The following PRKCZ variants were observed in gnomAD, a reference collection of about 807,000 sequenced individuals.
PRKCZ encodes protein kinase C zeta, also known as protein kinase C zeta type.
In PRKCZ, 33 loss-of-function variants were observed where a neutral mutation model predicts 79.5. The observed-to-expected ratio is 0.41, with a 90% confidence interval of 0.31 to 0.55. The LOEUF (loss-of-function observed/expected upper bound fraction) is 0.55, where lower values mean the gene tolerates loss of function less well. PRKCZ is among the 20% of genes least tolerant of loss of function. The probability of loss-of-function intolerance (pLI) is 0.19; values close to 1 mark genes in which losing one functional copy is unlikely to be tolerated. For synonymous variants in PRKCZ, 342 were observed against 320.9 expected, an observed-to-expected ratio of 1.07 and a Z score of -0.70; for missense variants, 578 against 813.5, an observed-to-expected ratio of 0.71 and a Z score of 3.52.
At chr1:2,076,742 GAAAA>G (rs59323031) in intron 4 of PRKCZ, among the ~76,000 whole-genome samples, 1 of 127,160 alleles carries the variant, frequency 7.9e-6, no homozygotes. Context: ...ACTCCATCTT[GAAAA>G]AAAAAAAAAA....
At chr1:2,167,723 G>C (rs1683618859) in intron 10 of PRKCZ, among the ~76,000 whole-genome samples, 1 of 152,126 alleles carries the variant, frequency 6.6e-6, no homozygotes. Flanking sequence ...CCTGCCCTCA[G>C]CCTCCCGAGT....
chr1:2,156,129 T>C, intron 10 of PRKCZ, 37 bp downstream of exon 10: 1 of 1,560,138 alleles, frequency 6.4e-7, no homozygotes, highest in Non-Finnish European at 8.8e-7. Flanking sequence ...ATTCTGCAGA[T>C]TTCAGATGTG....
At chr1:2,111,163 C>T (rs1167345879) in intron 4 of PRKCZ, among the ~76,000 whole-genome samples, 2 of 152,142 alleles carry the variant, frequency 1.3e-5, no homozygotes, top group Non-Finnish European at 2.9e-5. Context: ...AGCTGTGGGG[C>T]TGGCTGTGCG....
chr1:2,168,926 C>T lies in PRKCZ; in HGVS notation c.975-592C>T, dbSNP rs765556113. ...AAACCATGTGGCCCAGTCCCTGAGA[C>T]GGGAAGGGCCTGCGTGGTCCTGATG... On this transcript the variant is annotated intron_variant, in intron 10 of 17. Transcript: ENST00000378567. This position sits in a 1 kb window ranked among gnomAD's most constrained non-coding sequence, Gnocchi z 4.7. The T allele has an allele frequency of 1.6e-4, 49 of 306,012 alleles. No individual in the cohort carries two copies. Among genetic ancestry groups the T allele is most frequent in the South Asian group, 5.4e-5 (2 of 36,952 alleles). 19.0% of individuals were successfully genotyped at this position (306,012 alleles called of 1,614,324 possible). A position where few individuals can be genotyped will look rare whatever the true frequency, so the allele number is the denominator to read the frequency against.
chr1:2,092,760 C>T (rs1665738414), intron 4 of PRKCZ, among the ~76,000 whole-genome samples: 1 of 152,204 alleles, frequency 6.6e-6, no homozygotes, highest in South Asian at 2.1e-4. Flanking sequence ...AGCTGGAGGC[C>T]CTGGTCTTCA....
Position 2,082,050 on chromosome 1 carries a change from C to T in PRKCZ, c.334+22459C>T, listed in dbSNP as rs575137047. ...TTAAAGCAGGCTTGATCCGGGCTGCCGTGGTTCCGATCGACTCCGAATAGG... is the reference window on the plus strand; with the variant it reads ...TTAAAGCAGGCTTGATCCGGGCTGCTGTGGTTCCGATCGACTCCGAATAGG... On this transcript the variant is annotated intron_variant, in intron 4 of 17. Transcript: ENST00000378567. This position sits in a 1 kb window ranked among gnomAD's most constrained non-coding sequence, Gnocchi z 4.4. Among the ~76,000 whole-genome samples, 6 of 152,374 alleles carry T rather than the reference C, an allele frequency of 3.9e-5. No homozygotes were observed. The highest frequency in any genetic ancestry group is 2.1e-4 in the South Asian group (1 of 4,834).
chr1:2,050,462 C>G lies in PRKCZ; in HGVS notation c.-169C>G, dbSNP rs1241350304. On this transcript the variant is annotated 5_prime_UTR_variant, in exon 1 of 18. Coordinates refer to ENST00000378567, the MANE Select transcript of PRKCZ (RefSeq NM_002744.6). The stretch of plus-strand genomic sequence containing the variant: ...CGGACGGTCCCGCCCCGCGCGCCCC[C>G]CGCTCCCGCCCCGCGCGCCGCCGGA... 1 of 244,048 alleles carries G rather than the reference C, an allele frequency of 4.1e-6. No individual in the cohort carries two copies. The highest frequency in any genetic ancestry group is 2.3e-5 in the African/African-American group (1 of 42,944). The allele number at this position is 244,048 out of a possible 1,614,324, so 15.1% of individuals were successfully genotyped here.
intron 5 of PRKCZ, among the ~76,000 whole-genome samples, chr1:2,138,650 A>G (rs1044579661): frequency 6.6e-6 from 1 of 151,960 alleles, no homozygotes; most frequent in South Asian, 2.1e-4. Context: ...AAAAAAAATC[A>G]CAGGGCCCGG....
rs1685938693 is a variant in PRKCZ, at chr1:2,178,601, A to AGGTCC, written c.1575+3292_1575+3296dup. Among the ~76,000 whole-genome samples, 1 of 152,046 alleles carries AGGTCC rather than the reference A, an allele frequency of 6.6e-6. No homozygotes were observed. The highest frequency in any genetic ancestry group is 2.1e-4 in the South Asian group (1 of 4,804). ...GGGCACGTGCTCAGGGCGCAGTTGC[A>AGGTCC]GGTCCGGTGGTCTCAGTCTAGCCTT... On this transcript the variant is annotated intron_variant, in intron 16 of 17. Transcript: ENST00000378567. The surrounding 1 kb of genome is among the most constrained non-coding windows in gnomAD (Gnocchi z 4.3).
chr1:2,058,555 A>C (rs904716472), intron 3 of PRKCZ, among the ~76,000 whole-genome samples: 2 of 151,340 alleles, frequency 1.3e-5, no homozygotes, highest in Non-Finnish European at 2.9e-5. Flanking sequence ...TTGCCTCTCT[A>C]TGTGGAAAGA....
At chr1:2,145,901 AGACTGT>A in intron 6 of PRKCZ, 120 bp from the exon 7 acceptor site, 1 of 758,190 alleles carries the variant, frequency 1.3e-6, no homozygotes, top group South Asian at 1.7e-5. Flanking sequence ...GGATGATGAC[AGACTGT>A]GACCCTGTCT....
intron 4 of PRKCZ, among the ~76,000 whole-genome samples, chr1:2,119,273 G>C (rs1671381173): frequency 6.7e-6 from 1 of 149,708 alleles, no homozygotes; most frequent in African/African-American, 2.5e-5. Context: ...AGAGTGCAAG[G>C]GCGCGATTTT....
At chr1:2,119,519 T>C (rs1241621840) in intron 4 of PRKCZ, among the ~76,000 whole-genome samples, 1 of 152,158 alleles carries the variant, frequency 6.6e-6, no homozygotes, top group East Asian at 1.9e-4. Flanking sequence ...CTGGCCTAAT[T>C]ATTCTTCTTT....
rs1040195278 is a variant in PRKCZ, at chr1:2,165,773, G to A, written c.975-3745G>A. Reference sequence around the variant, plus strand: ...AGGGCAGCGTCTCCTGTGCCTCCAGGAGAGGGCTGTGGTTCCTCCCTCTGA... The same window carrying A: ...AGGGCAGCGTCTCCTGTGCCTCCAGAAGAGGGCTGTGGTTCCTCCCTCTGA... On this transcript the variant is annotated intron_variant, in intron 10 of 17. Transcript: ENST00000378567. This position sits in a 1 kb window ranked among gnomAD's most constrained non-coding sequence, Gnocchi z 4.1. 1.3e-5 allele frequency among the ~76,000 whole-genome samples: 2 copies of A among 152,190 alleles called. No homozygotes were observed. The highest frequency in any genetic ancestry group is 2.9e-5 in the Non-Finnish European group (2 of 68,040).
intron 4 of PRKCZ, among the ~76,000 whole-genome samples, chr1:2,072,692 C>G (rs185516167): frequency 6.6e-6 from 1 of 152,214 alleles, no homozygotes; most frequent in African/African-American, 2.4e-5. Context: ...TGGGACAAGT[C>G]CTTTGCTGTC....
intron 5 of PRKCZ, among the ~76,000 whole-genome samples, chr1:2,140,477 A>G (rs1216190320): frequency 6.6e-6 from 1 of 152,006 alleles, no homozygotes; most frequent in Non-Finnish European, 1.5e-5. Context: ...ACATAGTGAA[A>G]CACTGTCTCT....
rs1056228847 is a variant in PRKCZ at position 2,094,406 on chromosome 1, C to T, written c.334+34815C>T. On this transcript the variant is annotated intron_variant, in intron 4 of 17. Coordinates refer to ENST00000378567, the MANE Select transcript of PRKCZ (RefSeq NM_002744.6). This position sits in a 1 kb window ranked among gnomAD's most constrained non-coding sequence, Gnocchi z 7.3. ...CCCATTCTGAGGCGCCCGCTGTGCC[C>T]GGCTCGTTGAACCTTGGGCGCTGCC... Among the ~76,000 whole-genome samples, 6 of 151,894 alleles carry T rather than the reference C, an allele frequency of 4.0e-5. No homozygotes were observed. The highest frequency in any genetic ancestry group is 1.9e-4 in the East Asian group (1 of 5,154).
intron 4 of PRKCZ, chr1:2,074,570 C>T (rs966191189): frequency 1.3e-5 from 7 of 549,226 alleles, no homozygotes; most frequent in Non-Finnish European, 2.0e-5. Context: ...CAGCCAGCAC[C>T]TGTTCCAGGC....
chr1:2,085,860 A>G (rs1035320858), intron 4 of PRKCZ, among the ~76,000 whole-genome samples: 2 of 152,054 alleles, frequency 1.3e-5, no homozygotes, highest in Non-Finnish European at 2.9e-5. Context: ...GTCTGCACTC[A>G]TGGGTGGGTT....
Sources: gnomAD v4.1 joint callset for allele counts (sites outside exome capture counted in the v4.1 genomes callset) on GRCh38, gnomAD v4.1.1 for gene constraint, Gnocchi (gnomAD v3.1) non-coding constraint, MANE v1.5 for transcripts, NCBI Gene and HGNC (gene_info 2026-07-23, HGNC 2026-07-21) for gene names.